PDGFD: variants seen among roughly 807,000 people sequenced by gnomAD.
PDGFD encodes platelet derived growth factor D.
A neutral mutation model predicts 44.7 loss-of-function variants in PDGFD; 30 were observed. That is an observed-to-expected ratio of 0.67 (90% CI 0.50 to 0.91). The LOEUF is 0.91. Among genes scored for constraint, PDGFD ranks in the 40% least tolerant of loss-of-function variants. PDGFD has a pLI of 0.00. For missense variants in PDGFD, 445 were observed against 457.8 expected, an observed-to-expected ratio of 0.97 and a Z score of 0.25; for synonymous variants, 173 against 168.4, an observed-to-expected ratio of 1.03 and a Z score of -0.21.
intron 1 of PDGFD, among the ~76,000 whole-genome samples, chr11:104,100,068 T>C (rs1218687262): frequency 6.6e-6 from 1 of 152,090 alleles, no homozygotes; most frequent in Non-Finnish European, 1.5e-5. Flanking sequence ...ACTACATGCA[T>C]GATGCCTAAC....
At chr11:103,999,378 A>C (rs1448257594) in intron 2 of PDGFD, among the ~76,000 whole-genome samples, 1 of 152,232 alleles carries the variant, frequency 6.6e-6, no homozygotes, top group Non-Finnish European at 1.5e-5. Flanking sequence ...CTGTGAGCGG[A>C]CATTCAAAGA....
intron 3 of PDGFD, among the ~76,000 whole-genome samples, chr11:103,971,578 G>C (rs1259780741): frequency 6.6e-6 from 1 of 152,146 alleles, no homozygotes; most frequent in Non-Finnish European, 1.5e-5. Context: ...TCTGTACATT[G>C]AAAAGAGCTA....
intron 3 of PDGFD, among the ~76,000 whole-genome samples, chr11:103,958,083 C>T (rs10750679): frequency 0.31 from 47,556 of 151,714 alleles, 7,849 homozygotes; most frequent in South Asian, 0.39. Flanking sequence ...AATTATTTTG[C>T]AGTAACGCCT....
intron 1 of PDGFD, among the ~76,000 whole-genome samples, chr11:104,027,857 G>A (rs923458357): frequency 2.0e-5 from 3 of 152,084 alleles, no homozygotes; most frequent in Non-Finnish European, 4.4e-5. Flanking sequence ...CAGATCTCCT[G>A]GCCTTCTTGG....
intron 1 of PDGFD, among the ~76,000 whole-genome samples, chr11:104,072,733 G>C (rs1860899858): frequency 6.6e-6 from 1 of 151,858 alleles, no homozygotes; most frequent in South Asian, 2.1e-4. Flanking sequence ...TTATAATATG[G>C]AGTTCCCACT....
intron 1 of PDGFD, among the ~76,000 whole-genome samples, chr11:104,031,535 A>G (rs564616874): frequency 1.3e-5 from 2 of 152,332 alleles, no homozygotes; most frequent in East Asian, 3.9e-4. Flanking sequence ...ATGCTTTTAC[A>G]CTGTTGGTGG....
At chr11:103,995,721 G>A (rs1485357513) in intron 3 of PDGFD, among the ~76,000 whole-genome samples, 3 of 152,124 alleles carry the variant, frequency 2.0e-5, no homozygotes, top group Admixed American at 6.5e-5. Flanking sequence ...CTTTAATTCT[G>A]AAAACCTGTT....
intron 1 of PDGFD, among the ~76,000 whole-genome samples, chr11:104,108,430 G>T (rs924931192): frequency 6.6e-6 from 1 of 152,012 alleles, no homozygotes; most frequent in African/African-American, 2.4e-5. Context: ...CATTTATGCA[G>T]CCAAAAGACA....
At chr11:104,161,492 A>G (rs781206600) in intron 1 of PDGFD, among the ~76,000 whole-genome samples, 45 of 152,276 alleles carry the variant, frequency 3.0e-4, no homozygotes, top group Middle Eastern at 3.4e-3. Context: ...TCATAGCCCC[A>G]TTATTCTTAC....
In PDGFD at chr11:103,961,904, T is replaced by C. The variant is rs548260530; in HGVS notation, c.511-14180A>G. ...ACATACTGTACTGCATTACACTAAGTTGTAGGAAACTGGTTGTTAATATAG... is the reference window on the plus strand; with the variant it reads ...ACATACTGTACTGCATTACACTAAGCTGTAGGAAACTGGTTGTTAATATAG... On this transcript the variant is annotated intron_variant, in intron 3 of 6. Transcript: ENST00000393158. Among the ~76,000 whole-genome samples, 56 of 152,290 alleles carry C rather than the reference T, an allele frequency of 3.7e-4. No homozygotes were observed. The South Asian group carries it at 8.7e-3, about 24-fold the overall frequency.
intron 1 of PDGFD, among the ~76,000 whole-genome samples, chr11:104,126,667 C>T (rs1861845608): frequency 6.6e-6 from 1 of 152,060 alleles, no homozygotes; most frequent in Admixed American, 6.6e-5. Flanking sequence ...CATAATGTGA[C>T]AGGTGCTATA....
At chr11:103,944,217 T>C (rs1482488310) in intron 4 of PDGFD, among the ~76,000 whole-genome samples, 1 of 152,204 alleles carries the variant, frequency 6.6e-6, no homozygotes, top group Non-Finnish European at 1.5e-5. Flanking sequence ...GCCATGAAAT[T>C]GGCTCTCTTG....
chr11:104,112,449 T>C (rs1338713489), intron 1 of PDGFD, among the ~76,000 whole-genome samples: 1 of 152,082 alleles, frequency 6.6e-6, no homozygotes, highest in African/African-American at 2.4e-5. Context: ...AGTTCAACCA[T>C]TGTGGAAGTG....
chr11:104,010,633 A>G (rs963117434), intron 1 of PDGFD, among the ~76,000 whole-genome samples: 25 of 152,122 alleles, frequency 1.6e-4, no homozygotes, highest in African/African-American at 5.8e-4. Flanking sequence ...AATTTTTAGA[A>G]TATTTGAATC....
chr11:104,131,389 T>A (rs1287537992), intron 1 of PDGFD, among the ~76,000 whole-genome samples: 1 of 152,170 alleles, frequency 6.6e-6, no homozygotes, highest in African/African-American at 2.4e-5. Context: ...TCATTAATTG[T>A]TACCAGCATC....
intron 1 of PDGFD, among the ~76,000 whole-genome samples, chr11:104,021,279 G>A (rs1230731024): frequency 1.3e-5 from 2 of 152,150 alleles, no homozygotes; most frequent in African/African-American, 4.8e-5. Flanking sequence ...ATTGTTTTGA[G>A]AGAGAAAAGA....
At chr11:104,154,903 C>T (rs1862286783) in intron 1 of PDGFD, among the ~76,000 whole-genome samples, 1 of 152,004 alleles carries the variant, frequency 6.6e-6, no homozygotes, top group Non-Finnish European at 1.5e-5. Flanking sequence ...ACTATTTGGC[C>T]CTTTACAAAA....
chr11:104,052,511 A>G (rs1860556158), intron 1 of PDGFD, among the ~76,000 whole-genome samples: 1 of 152,048 alleles, frequency 6.6e-6, no homozygotes, highest in Non-Finnish European at 1.5e-5. Context: ...GATGAGCTGG[A>G]AGGTTTGGGG....
intron 3 of PDGFD, among the ~76,000 whole-genome samples, chr11:103,978,710 T>C (rs895400738): frequency 3.9e-5 from 6 of 152,104 alleles, no homozygotes; most frequent in African/African-American, 1.4e-4. Flanking sequence ...TGGCAAAATA[T>C]AGCTGAACTG....
Sources: gnomAD v4.1 joint callset for allele counts (sites outside exome capture counted in the v4.1 genomes callset) on GRCh38, gnomAD v4.1.1 for gene constraint, MANE v1.5 for transcripts, NCBI Gene and HGNC (gene_info 2026-07-23, HGNC 2026-07-21) for gene names.